Variants in DST observed in about 807,000 individuals in gnomAD.
DST encodes bullous pemphigoid antigen.
DST carries 253 observed loss-of-function variants against 875.2 expected under a neutral mutation model. The observed-to-expected ratio is 0.29, with a 90% confidence interval of 0.26 to 0.32. The LOEUF is 0.32. DST is among the 10% of genes least tolerant of loss of function. DST has a pLI of 1.00. For synonymous variants in DST, 3,124 were observed against 3,197.1 expected (o/e 0.98, Z 0.77); for missense variants, 8,287 against 9,111.6 (o/e 0.91, Z 3.68).
rs1372380564 is a variant in DST at position 56,639,784 on chromosome 6, A to G, written c.2620-11T>C. ...TGCTGTCATTTGAATCTATAACATG[A>G]GATTAAAAAGACACTCCAGTCAGGA... On this transcript the variant is annotated splice_polypyrimidine_tract_variant and intron_variant, in intron 19 of 103. Transcript: ENST00000680361. 4 of 1,611,368 alleles carry G rather than the reference A, an allele frequency of 2.5e-6. No homozygotes were observed. The highest frequency in any genetic ancestry group is 3.4e-6 in the Non-Finnish European group (4 of 1,177,808).
At position 56,824,638 on chromosome 6, in the gene DST, A is replaced by C. The variant is rs192427700; in HGVS notation, c.625+26759T>G. ...CCGCTGCCCCGTCTGGGATGTGAGG[A>C]GCGCCTCTGACCGGCCGCGACCCCG... On this transcript the variant is annotated intron_variant, in intron 4 of 103. Coordinates refer to ENST00000680361, the MANE Select transcript of DST (RefSeq NM_001374736.1). Among the ~76,000 whole-genome samples the C allele has an allele frequency of 5.2e-3, 777 of 149,092 alleles. 8 individuals are homozygous for C. Among genetic ancestry groups the C allele is most frequent in the Middle Eastern group, 7.1e-3 (2 of 280 alleles).
At chr6:56,897,897 A>T (rs1368778957) in intron 3 of DST, among the ~76,000 whole-genome samples, 1 of 152,118 alleles carries the variant, frequency 6.6e-6, no homozygotes, top group Non-Finnish European at 1.5e-5. Context: ...ATCCTTGTGG[A>T]AGGGCTCTTC....
intron 3 of DST, chr6:56,871,776 T>TAAAAAAAAAAAAAAAAAAAAAA (rs746142378): frequency 3.1e-4 from 30 of 95,366 alleles, no homozygotes; most frequent in South Asian, 4.3e-4. Context: ...CAATTAAAAG[T>TAAAAAAAAAAAAAAAAAAAAAA]AAAAAAAAAA....
In DST at chr6:56,604,811, A is replaced by G. The variant is rs773929187; in HGVS notation, c.9817T>C (p.Ser3273Pro). ...FTPESIEATLSILSRKHVEDV... is the reference protein window; with the variant it reads ...FTPESIEATLPILSRKHVEDV... ...TCTACATGTTTACGAGATAATATTG[A>G]AAGTGTGGCTTCAATACTTTCTGGT... The change falls in exon 40 of 104, where the codon TCA becomes CCA. Residue 3273 changes from serine (S) to proline (P), a missense_variant. This residue lies in a region of DST where 3,138 missense variants were observed against 3,116.6 expected (regional missense o/e 1.01). Transcript: ENST00000680361. 11 of 1,612,764 alleles carry G rather than the reference A, an allele frequency of 6.8e-6. No individual in the cohort carries two copies. The highest frequency in any genetic ancestry group is 9.3e-6 in the Non-Finnish European group (11 of 1,179,308).
Position 56,467,257 on chromosome 6 carries a change from A to G in DST, c.22570-1062T>C, listed in dbSNP as rs547666048. ...TTATTTGGGCTCATGATGGATAAAC[A>G]GAAAACTCTAGGTAGAAAAAAATCT... On this transcript the variant is annotated intron_variant, in intron 98 of 103. Coordinates refer to ENST00000680361, the MANE Select transcript of DST (RefSeq NM_001374736.1). The G allele has an allele frequency of 2.6e-5, 4 of 152,278 alleles. No homozygotes were observed. In the South Asian group the frequency reaches 6.2e-4, roughly 24 times the overall value. 9.4% of individuals were successfully genotyped at this position (152,278 alleles called of 1,614,324 possible).
At chr6:56,471,316 T>G (rs750793711) in intron 94 of DST, 48 bp from the exon 95 acceptor site, 1 of 1,386,030 alleles carries the variant, frequency 7.2e-7, no homozygotes, top group Non-Finnish European at 9.9e-7. Context: ...GTACTAAAAT[T>G]GTAGACTATA....
At chr6:56,668,384 T>C (rs1406106881) in intron 10 of DST, among the ~76,000 whole-genome samples, 1 of 152,108 alleles carries the variant, frequency 6.6e-6, no homozygotes, top group African/African-American at 2.4e-5. Context: ...CACCCACCTC[T>C]ATTTAAATGT....
At chr6:56,538,139 C>T (rs114729041) in intron 61 of DST, among the ~76,000 whole-genome samples, 1,907 of 152,184 alleles carry the variant, frequency 0.013, 39 homozygotes, top group African/African-American at 0.042. Flanking sequence ...CATGTCACCA[C>T]GCCCAGCTAA....
chr6:56,785,191 G>T (rs1044823594), intron 4 of DST, among the ~76,000 whole-genome samples: 1 of 152,224 alleles, frequency 6.6e-6, no homozygotes, highest in South Asian at 2.1e-4. Context: ...GAGGCAGTCT[G>T]CCCATTATCA....
rs148412369 is a variant in DST, at chr6:56,931,923, C to T, written c.216+21862G>A. ...TGTCTCAGATGAGACTTTGGACTTT[C>T]GGGTTAATGCTGAAATGAGTTAAGA... On this transcript the variant is annotated intron_variant, in intron 2 of 103. Transcript: ENST00000680361. Among the ~76,000 whole-genome samples, 1,399 of 152,134 alleles carry T rather than the reference C, an allele frequency of 9.2e-3. 26 individuals are homozygous for T. Among genetic ancestry groups the T allele is most frequent in the African/African-American group, 0.032 (1,326 of 41,468 alleles).
chr6:56,825,311 A>G (rs371529561), intron 4 of DST, among the ~76,000 whole-genome samples: 103 of 147,890 alleles, frequency 7.0e-4, no homozygotes, highest in African/African-American at 2.2e-3. Context: ...CATGCTCGTT[A>G]AGAGTCATCA....
chr6:56,593,598 A>C, intron 48 of DST, 65 bp downstream of exon 48: 6 of 1,363,078 alleles, frequency 4.4e-6, no homozygotes, highest in Non-Finnish European at 5.8e-6. Flanking sequence ...CTCTTGTTCC[A>C]AAACTATAAT....
intron 33 of DST, 80 bp from the exon 34 acceptor site, chr6:56,627,367 A>C: frequency 2.1e-6 from 2 of 939,588 alleles, no homozygotes; most frequent in Non-Finnish European, 3.5e-6. Context: ...TAACTAAGAC[A>C]TATCTACATC....
chr6:56,578,699 G>T, intron 50 of DST, 115 bp downstream of exon 50: 1 of 1,081,118 alleles, frequency 9.2e-7, no homozygotes, highest in Non-Finnish European at 1.3e-6. Flanking sequence ...ATTTCACAGA[G>T]AAAGAGCACA....
At chr6:56,622,289 G>A (rs971761436) in intron 36 of DST, among the ~76,000 whole-genome samples, 13 of 152,098 alleles carry the variant, frequency 8.5e-5, no homozygotes, top group African/African-American at 3.1e-4. Context: ...TAAGAATCTC[G>A]GCTGGGCACG....
chr6:56,616,334 T>A (rs749874333), intron 36 of DST: 1 of 1,613,750 alleles, frequency 6.2e-7, no homozygotes, highest in East Asian at 2.2e-5. Flanking sequence ...AAACATAGCT[T>A]CCTTCCACTG....
chr6:56,584,093 T>C (rs2098088473), intron 49 of DST, among the ~76,000 whole-genome samples: 1 of 152,156 alleles, frequency 6.6e-6, no homozygotes, highest in South Asian at 2.1e-4. Context: ...TTTGGTTCCA[T>C]ATGAACTTTA....
chr6:56,633,134 C>T (rs544414877), intron 27 of DST, 97 bp from the exon 28 acceptor site: 10 of 917,642 alleles, frequency 1.1e-5, no homozygotes, highest in Non-Finnish European at 1.4e-5. Context: ...CCAATCTAAA[C>T]GAATAATCAT....
At chr6:56,737,077 T>C (rs1435110461) in intron 4 of DST, among the ~76,000 whole-genome samples, 1 of 152,106 alleles carries the variant, frequency 6.6e-6, no homozygotes, top group Non-Finnish European at 1.5e-5. Context: ...ACCTGTAGTC[T>C]CAGCTACTTG....
Sources: gnomAD v4.1 joint callset for allele counts (sites outside exome capture counted in the v4.1 genomes callset) on GRCh38, gnomAD v4.1.1 for gene constraint, gnomAD v4.1.1 regional missense constraint, MANE v1.5 for transcripts, NCBI Gene and HGNC (gene_info 2026-07-23, HGNC 2026-07-21) for gene names.